B3GAT2: variants seen among roughly 807,000 people sequenced by gnomAD.
The protein encoded by B3GAT2 is beta-1,3-glucuronyltransferase 2.
Under a neutral mutation model 27.8 loss-of-function variants are expected in B3GAT2, and 26 were observed. The ratio of observed to expected loss-of-function variants is 0.93; its 90% CI spans 0.68 to 1.30. The LOEUF is 1.30. B3GAT2 is among the 50% of genes most tolerant of loss of function. The pLI is 0.00. For missense variants in B3GAT2, 458 were observed against 459.0 expected (o/e 1.00, Z 0.02); for synonymous variants, 218 against 195.1 (o/e 1.12, Z -0.98).
chr6:70,888,383 A>T (rs943644695), intron 2 of B3GAT2, among the ~76,000 whole-genome samples: 10 of 152,354 alleles, frequency 6.6e-5, no homozygotes, highest in African/African-American at 2.4e-4. Context: ...AACCAAACTT[A>T]AATTTAATAC....
At chr6:70,930,615 A>G (rs12192739) in intron 1 of B3GAT2, among the ~76,000 whole-genome samples, 74,118 of 152,060 alleles carry the variant, frequency 0.49, 18,655 homozygotes, top group East Asian at 0.69. Context: ...TCAGAGAAAT[A>G]CAAATCAAAA....
intron 2 of B3GAT2, among the ~76,000 whole-genome samples, chr6:70,868,795 T>C (rs1223789261): frequency 6.6e-6 from 1 of 152,160 alleles, no homozygotes; most frequent in African/African-American, 2.4e-5. Flanking sequence ...AGTGCAGTCA[T>C]GGAACTTGCT....
At chr6:70,946,062 C>A (rs1765477960) in intron 1 of B3GAT2, among the ~76,000 whole-genome samples, 1 of 151,936 alleles carries the variant, frequency 6.6e-6, no homozygotes, top group South Asian at 2.1e-4. Context: ...TAAAAGAGCT[C>A]CTGAAGGAAG....
At chr6:70,864,869 GA>G (rs1312535668) in intron 2 of B3GAT2, among the ~76,000 whole-genome samples, 3 of 152,068 alleles carry the variant, frequency 2.0e-5, no homozygotes, top group African/African-American at 7.2e-5. Flanking sequence ...TATCTTTAAA[GA>G]TGTTGGTTAC....
In B3GAT2 at chr6:70,861,510, G is replaced by A; in HGVS notation, c.*153C>T. 1.5e-6 allele frequency: 1 copy of A among 648,508 alleles called. No homozygotes were observed. The highest frequency in any genetic ancestry group is 2.7e-6 in the Non-Finnish European group (1 of 371,232). 40.2% of individuals were successfully genotyped at this position (648,508 alleles called of 1,614,324 possible). On this transcript the variant is annotated 3_prime_UTR_variant, in exon 4 of 4. Transcript: ENST00000230053. ...CCAATTAGCTTATGTTAACTGACAA[G>A]CTCCATTTAAACAGATGTCCATCAG...
chr6:70,911,154 CAGA>C (rs1772683519), intron 1 of B3GAT2, among the ~76,000 whole-genome samples: 1 of 152,082 alleles, frequency 6.6e-6, no homozygotes, highest in South Asian at 2.1e-4. Context: ...TTTTGTTGTG[CAGA>C]AGATCTTTAA....
chr6:70,861,961 G>A lies in B3GAT2; in HGVS notation c.754C>T (p.Gln252Ter), dbSNP rs771270674. The change falls in exon 3 of 4, where the codon CAA becomes TAA. Residue 252 changes from glutamine to a stop codon, truncating the protein, a stop_gained. Coordinates refer to ENST00000230053, the MANE Select transcript of B3GAT2 (RefSeq NM_080742.3). LOFTEE classifies it high-confidence loss of function. ...IDMAGFAVSL[Q>*]VILSNPKAVF... ...GCTTTTGGATTGGACAAAATGACTT[G>A]AAGACTTACAGCAAATCCTTTGTGA... 6.2e-7 allele frequency: 1 copy of A among 1,610,434 alleles called. No homozygotes were observed. The highest frequency in any genetic ancestry group is 1.3e-5 in the African/African-American group (1 of 74,664).
At chr6:70,902,631 T>TACACACACACACAC (rs1182910631) in intron 1 of B3GAT2, among the ~76,000 whole-genome samples, 1 of 142,606 alleles carries the variant, frequency 7.0e-6, no homozygotes, top group African/African-American at 2.8e-5. Context: ...TATATATATA[T>TACACACACACACAC]ATATATACAC....
chr6:70,905,445 G>C (rs1259012682), intron 1 of B3GAT2, among the ~76,000 whole-genome samples: 1 of 152,118 alleles, frequency 6.6e-6, no homozygotes, highest in Non-Finnish European at 1.5e-5. Flanking sequence ...ATATCAAAAG[G>C]AAAACTTAAT....
intron 2 of B3GAT2, among the ~76,000 whole-genome samples, chr6:70,866,969 T>G (rs1394242647): frequency 1.3e-5 from 2 of 152,000 alleles, no homozygotes; most frequent in Non-Finnish European, 2.9e-5. Context: ...CAAAATATGT[T>G]TTCTGACTAC....
chr6:70,934,969 G>A lies in B3GAT2; in HGVS notation c.591+20870C>T, dbSNP rs1010077016. On this transcript the variant is annotated intron_variant, in intron 1 of 3. Coordinates refer to ENST00000230053, the MANE Select transcript of B3GAT2 (RefSeq NM_080742.3). Reference sequence around the variant, plus strand: ...CAATACTAATTGTAATGGTAAGTCAGTCCTGAAGCTTTTCTAAGACAGAGG... The same window carrying A: ...CAATACTAATTGTAATGGTAAGTCAATCCTGAAGCTTTTCTAAGACAGAGG... 3.3e-5 allele frequency among the ~76,000 whole-genome samples: 5 copies of A among 152,144 alleles called. 1 individual carries two copies. The South Asian group carries it at 8.3e-4, about 25-fold the overall frequency.
At chr6:70,944,435 G>GCTCGGAGGGTCTTA (rs1554218000) in intron 1 of B3GAT2, among the ~76,000 whole-genome samples, 1 of 151,576 alleles carries the variant, frequency 6.6e-6, no homozygotes, top group Admixed American at 6.6e-5. Flanking sequence ...CCCACACATG[G>GCTCGGAGGGTCTTA]CGCCCACGGA....
intron 1 of B3GAT2, among the ~76,000 whole-genome samples, chr6:70,945,383 C>G (rs1395737917): frequency 6.6e-6 from 1 of 152,042 alleles, no homozygotes; most frequent in Non-Finnish European, 1.5e-5. Flanking sequence ...CTTAAAGGAG[C>G]TGATGGAGCT....
intron 1 of B3GAT2, among the ~76,000 whole-genome samples, chr6:70,952,435 G>C (rs1007495246): frequency 6.6e-6 from 1 of 151,928 alleles, no homozygotes; most frequent in Non-Finnish European, 1.5e-5. Context: ...TTAAATTTAA[G>C]AAAGCTTTGA....
intron 2 of B3GAT2, among the ~76,000 whole-genome samples, chr6:70,876,375 T>C (rs1463216486): frequency 6.6e-6 from 1 of 152,178 alleles, no homozygotes; most frequent in African/African-American, 2.4e-5. Flanking sequence ...AGACCTATTT[T>C]AATGAAATAG....
Position 70,860,929 on chromosome 6 carries a change from A to C in B3GAT2, c.*734T>G, listed in dbSNP as rs1226801300. On this transcript the variant is annotated 3_prime_UTR_variant, in exon 4 of 4. Transcript: ENST00000230053. ...CAAAACTTCGTTTAATGAATGCTTA[A>C]AGAATTCAAATTTTATCTGCCTCTC... 7.9e-6 allele frequency: 3 copies of C among 377,582 alleles called. No individual in the cohort carries two copies. The highest frequency in any genetic ancestry group is 2.1e-5 in the African/African-American group (1 of 48,178). 23.4% of individuals were successfully genotyped at this position (377,582 alleles called of 1,614,324 possible). A position where few individuals can be genotyped will look rare whatever the true frequency, so the allele number is the denominator to read the frequency against.
In B3GAT2 at chr6:70,856,867, C is replaced by G; in HGVS notation, c.*4796G>C. Reference sequence around the variant, plus strand: ...TTTGGTGTTTGTCTCAGGGGACACCCTCTGCACCAGCAGCTGCAACCCTGT... The same window carrying G: ...TTTGGTGTTTGTCTCAGGGGACACCGTCTGCACCAGCAGCTGCAACCCTGT... On this transcript the variant is annotated 3_prime_UTR_variant, in exon 4 of 4. Coordinates refer to ENST00000230053, the MANE Select transcript of B3GAT2 (RefSeq NM_080742.3). The G allele has an allele frequency of 6.2e-7, 1 of 1,611,692 alleles. No individual in the cohort carries two copies. Among genetic ancestry groups the G allele is most frequent in the East Asian group, 2.2e-5 (1 of 44,838 alleles).
chr6:70,931,779 C>T (rs1336696034), intron 1 of B3GAT2, among the ~76,000 whole-genome samples: 1 of 152,044 alleles, frequency 6.6e-6, no homozygotes, highest in African/African-American at 2.4e-5. Context: ...ACACCAAAAG[C>T]ACAAAATAGA....
At chr6:70,925,977 C>T (rs543927359) in intron 1 of B3GAT2, among the ~76,000 whole-genome samples, 4 of 152,200 alleles carry the variant, frequency 2.6e-5, no homozygotes, top group East Asian at 1.9e-4. Context: ...CAACATTTGC[C>T]GTTCTGCAAT....
Sources: allele counts gnomAD v4.1 joint callset (sites outside exome capture counted in the v4.1 genomes callset), GRCh38; gene constraint gnomAD v4.1.1; transcripts MANE v1.5; gene names NCBI Gene and HGNC (gene_info 2026-07-23, HGNC 2026-07-21).